The following CCDC192 variants were observed in gnomAD, a reference collection of about 807,000 sequenced individuals.
The protein encoded by CCDC192 is coiled-coil domain containing 192, also known as coiled-coil domain-containing protein 192.
intron 6 of CCDC192, among the ~76,000 whole-genome samples, chr5:127,878,060 G>A (rs1478316099): frequency 6.6e-6 from 1 of 152,140 alleles, no homozygotes; most frequent in Non-Finnish European, 1.5e-5. Context: ...CCAGTCTAAA[G>A]TACCATCAGG....
At chr5:127,919,252 C>G (rs1271190529) in intron 6 of CCDC192, among the ~76,000 whole-genome samples, 1 of 152,070 alleles carries the variant, frequency 6.6e-6, no homozygotes. Context: ...CCATGACTAT[C>G]TCTGACAATA....
chr5:127,828,833 T>A (rs1749656592), intron 5 of CCDC192, among the ~76,000 whole-genome samples: 1 of 152,200 alleles, frequency 6.6e-6, no homozygotes, highest in South Asian at 2.1e-4. Flanking sequence ...CAGAAAGTTG[T>A]CCAGAAATAA....
chr5:127,936,129 A>G (rs1027533831), intron 6 of CCDC192, among the ~76,000 whole-genome samples: 1 of 152,180 alleles, frequency 6.6e-6, no homozygotes, highest in Non-Finnish European at 1.5e-5. Flanking sequence ...AAAGAAAAAA[A>G]ATTATCAAAG....
Position 127,747,587 on chromosome 5 carries a change from A to C in CCDC192, c.115-6681A>C, listed in dbSNP as rs956474707. On this transcript the variant is annotated intron_variant, in intron 2 of 6. Coordinates refer to ENST00000514853, the MANE Select transcript of CCDC192 (RefSeq NM_001317938.2). Reference sequence around the variant, plus strand: ...AACATACGTGTGCATGTGTCTTTATAGCAGCATGATTTATAGTCCTTTGGG... The same window carrying C: ...AACATACGTGTGCATGTGTCTTTATCGCAGCATGATTTATAGTCCTTTGGG... Among the ~76,000 whole-genome samples, 16 of 151,886 alleles carry C rather than the reference A, an allele frequency of 1.1e-4. 1 individual carries two copies. Among genetic ancestry groups the C allele is most frequent in the African/African-American group, 3.9e-4 (16 of 41,388 alleles).
At chr5:127,840,608 A>T (rs1253684560) in intron 5 of CCDC192, among the ~76,000 whole-genome samples, 1 of 86,692 alleles carries the variant, frequency 1.2e-5, no homozygotes, top group East Asian at 2.1e-4. Flanking sequence ...TAAATTATTA[A>T]TTAATTTATT....
At chr5:127,931,671 A>G (rs561561833) in intron 6 of CCDC192, among the ~76,000 whole-genome samples, 4 of 152,234 alleles carry the variant, frequency 2.6e-5, no homozygotes, top group Non-Finnish European at 5.9e-5. Context: ...GTAAAAATAT[A>G]GATTCCCAGG....
chr5:127,749,292 G>T (rs1335761752), intron 2 of CCDC192, among the ~76,000 whole-genome samples: 3 of 152,098 alleles, frequency 2.0e-5, no homozygotes, highest in African/African-American at 4.8e-5. Flanking sequence ...GTCCCATCAA[G>T]ACCTAATTTA....
intron 1 of CCDC192, among the ~76,000 whole-genome samples, chr5:127,705,568 A>G (rs1750913756): frequency 6.6e-6 from 1 of 152,150 alleles, no homozygotes; most frequent in Non-Finnish European, 1.5e-5. Context: ...ATCATGAACC[A>G]TAATAAGGGC....
rs538148363 is a variant in CCDC192, at chr5:127,889,986, T to C, written c.535+14325T>C. On this transcript the variant is annotated intron_variant, in intron 6 of 6. Coordinates refer to ENST00000514853, the MANE Select transcript of CCDC192 (RefSeq NM_001317938.2). Reference sequence around the variant, plus strand: ...TGATGGATGTTTGCTTCCATCTGTTTTAGGTAATACCTTGCCCAATTCTGG... The same window carrying C: ...TGATGGATGTTTGCTTCCATCTGTTCTAGGTAATACCTTGCCCAATTCTGG... Among the ~76,000 whole-genome samples, 7 of 152,288 alleles carry C rather than the reference T, an allele frequency of 4.6e-5. No homozygotes were observed. The South Asian group carries it at 6.2e-4, about 14-fold the overall frequency.
chr5:127,896,556 C>T (rs1036099451), intron 6 of CCDC192, among the ~76,000 whole-genome samples: 3 of 152,030 alleles, frequency 2.0e-5, no homozygotes, highest in African/African-American at 7.2e-5. Context: ...GCTTCAGTCT[C>T]CTGAGCAGCT....
chr5:127,890,549 A>G (rs1028154570), intron 6 of CCDC192, among the ~76,000 whole-genome samples: 1 of 151,544 alleles, frequency 6.6e-6, no homozygotes, highest in South Asian at 2.1e-4. Flanking sequence ...GAGCTTCGTT[A>G]TCTAATCTCT....
Position 127,820,801 on chromosome 5 carries a change from T to A in CCDC192, c.411+22639T>A, listed in dbSNP as rs571636787. ...TCAAATATATGTATCATCTGTTTCC[T>A]TTATCAGTTTGTCAGACATACTTAC... is the stretch of plus-strand genomic sequence containing the variant. On this transcript the variant is annotated intron_variant, in intron 5 of 6. Transcript: ENST00000514853. Among the ~76,000 whole-genome samples, 3 of 152,346 alleles carry A rather than the reference T, an allele frequency of 2.0e-5. No individual in the cohort carries two copies. In the South Asian group the frequency reaches 6.2e-4, roughly 32 times the overall value.
chr5:127,794,002 A>G (rs1442710893), intron 3 of CCDC192, among the ~76,000 whole-genome samples: 1 of 151,978 alleles, frequency 6.6e-6, no homozygotes, highest in African/African-American at 2.4e-5. Flanking sequence ...TCTATTGTTT[A>G]CTCTTCCTTT....
chr5:127,825,342 G>A (rs1749479807), intron 5 of CCDC192, among the ~76,000 whole-genome samples: 1 of 152,190 alleles, frequency 6.6e-6, no homozygotes, highest in African/African-American at 2.4e-5. Context: ...AAAACTCTGA[G>A]TAGAAATATC....
intron 3 of CCDC192, among the ~76,000 whole-genome samples, chr5:127,781,576 C>CTTTTTT: frequency 8.1e-6 from 1 of 124,168 alleles, no homozygotes. Flanking sequence ...CTAAGTATTC[C>CTTTTTT]TTTTTTTTTT....
chr5:127,835,059 A>G (rs1359993915), intron 5 of CCDC192, among the ~76,000 whole-genome samples: 1 of 152,242 alleles, frequency 6.6e-6, no homozygotes, highest in East Asian at 1.9e-4. Context: ...AAAAGAAATA[A>G]AAGTAATGAT....
At chr5:127,815,107 C>G (rs1561504008) in intron 5 of CCDC192, among the ~76,000 whole-genome samples, 1 of 152,116 alleles carries the variant, frequency 6.6e-6, no homozygotes, top group Non-Finnish European at 1.5e-5. Context: ...TAGTAAGACT[C>G]TAGGCTGGTG....
rs60854127 is a variant in CCDC192 at position 127,912,419 on chromosome 5, C to CAAAAA, written c.536-28746_536-28742dup. On this transcript the variant is annotated intron_variant, in intron 6 of 6. Coordinates refer to ENST00000514853, the MANE Select transcript of CCDC192 (RefSeq NM_001317938.2). Reference sequence around the variant, plus strand: ...AGTGAGAATAGATTCCTGGGTTTAGCAAAAAAAAAAAAAAAAAAAAATGAA... The same window carrying CAAAAA: ...AGTGAGAATAGATTCCTGGGTTTAGCAAAAAAAAAAAAAAAAAAAAAAAAAATGAA... Among the ~76,000 whole-genome samples, 591 of 81,422 alleles carry CAAAAA rather than the reference C, an allele frequency of 7.3e-3. 49 individuals carry two copies. The highest frequency in any genetic ancestry group is 0.027 in the African/African-American group (529 of 19,810). The allele number at this position is 81,422 out of a possible 152,430, so 53.4% of individuals were successfully genotyped here. A position where few individuals can be genotyped will look rare whatever the true frequency, so the allele number is the denominator to read the frequency against.
At chr5:127,938,708 TTAAAC>T (rs1325630377) in intron 6 of CCDC192, among the ~76,000 whole-genome samples, 1 of 152,282 alleles carries the variant, frequency 6.6e-6, no homozygotes, top group Non-Finnish European at 1.5e-5. Context: ...TTAACATTTT[TTAAAC>T]TAAATCTCCC....
Sources: allele counts gnomAD v4.1 joint callset (sites outside exome capture counted in the v4.1 genomes callset), GRCh38; gene constraint gnomAD v4.1.1; transcripts MANE v1.5; gene names NCBI Gene and HGNC (gene_info 2026-07-23, HGNC 2026-07-21).